The following TMEM45B variants were observed in gnomAD, a reference collection of about 807,000 sequenced individuals.
TMEM45B encodes the protein transmembrane protein 45B.
In TMEM45B, 29 loss-of-function variants were observed where a neutral mutation model predicts 27.3. The ratio of observed to expected loss-of-function variants is 1.06; its 90% CI spans 0.79 to 1.45. The LOEUF is 1.45. TMEM45B is among the 40% of genes most tolerant of loss of function. The probability of loss-of-function intolerance (pLI) is 0.00; values close to 1 mark genes in which losing one functional copy is unlikely to be tolerated. For synonymous variants in TMEM45B, 143 were observed against 134.7 expected (o/e 1.06, Z -0.43); for missense variants, 348 against 343.9 (o/e 1.01, Z -0.09).
Position 129,859,847 on chromosome 11 carries a change from A to C in TMEM45B, c.*1162A>C, listed in dbSNP as rs1396322425. 6.6e-6 allele frequency: 1 copy of C among 152,424 alleles called. No individual in the cohort carries two copies. Among genetic ancestry groups the C allele is most frequent in the Non-Finnish European group, 1.5e-5 (1 of 68,052 alleles). The allele number at this position is 152,424 out of a possible 1,614,324, so 9.4% of individuals were successfully genotyped here. A position where few individuals can be genotyped will look rare whatever the true frequency, so the allele number is the denominator to read the frequency against. On this transcript the variant is annotated 3_prime_UTR_variant, in exon 6 of 6. Transcript: ENST00000281441. ...AACAAGCAAACAGACTTCCTTCAAC[A>C]AATATTTATTAAATATCCACTTTGC... is the stretch of plus-strand genomic sequence containing the variant.
intron 1 of TMEM45B, among the ~76,000 whole-genome samples, chr11:129,827,929 C>T (rs530777257): frequency 6.6e-6 from 1 of 152,064 alleles, no homozygotes; most frequent in Non-Finnish European, 1.5e-5. Context: ...GAGATCGTGC[C>T]ACCGCCCTCC....
At chr11:129,857,884 T>C (rs1370291244) in intron 5 of TMEM45B, among the ~76,000 whole-genome samples, 2 of 152,130 alleles carry the variant, frequency 1.3e-5, no homozygotes, top group East Asian at 3.9e-4. Flanking sequence ...CAAACTGCAC[T>C]CCACCCCTCA....
intron 1 of TMEM45B, among the ~76,000 whole-genome samples, chr11:129,820,803 G>A (rs2135550242): frequency 6.6e-6 from 1 of 152,276 alleles, no homozygotes; most frequent in Non-Finnish European, 1.5e-5. Flanking sequence ...GTTCATTGTA[G>A]AAGGTTTTCA....
chr11:129,836,346 G>GACGATACTTACATGAGATTTGGGA (rs1165521920), intron 1 of TMEM45B, among the ~76,000 whole-genome samples: 2 of 152,138 alleles, frequency 1.3e-5, no homozygotes, highest in Admixed American at 1.3e-4. Flanking sequence ...ACCTGGTTTA[G>GACGATACTTACATGAGATTTGGGA]ACGATACTTA....
intron 2 of TMEM45B, chr11:129,853,035 A>G (rs1015339864): frequency 6.2e-5 from 10 of 162,388 alleles, no homozygotes; most frequent in African/African-American, 9.6e-5. Context: ...TTTTTCCTCA[A>G]TTGTCTCTCC....
chr11:129,851,924 C>T (rs1041584197), intron 1 of TMEM45B, among the ~76,000 whole-genome samples: 1 of 152,138 alleles, frequency 6.6e-6, no homozygotes, highest in African/African-American at 2.4e-5. Flanking sequence ...GTTGTGCTTT[C>T]GTTTGCCCAT....
At chr11:129,838,004 A>G (rs1203861466) in intron 1 of TMEM45B, among the ~76,000 whole-genome samples, 2 of 151,832 alleles carry the variant, frequency 1.3e-5, no homozygotes, top group Admixed American at 1.3e-4. Context: ...CTGGTCTCAA[A>G]TTCCTGATCT....
At position 129,850,067 on chromosome 11, in the gene TMEM45B, A is replaced by C. The variant is rs150835963; in HGVS notation, c.-8-2408A>C. 1.1e-4 allele frequency among the ~76,000 whole-genome samples: 17 copies of C among 152,144 alleles called. No homozygotes were observed. In the South Asian group the frequency reaches 1.5e-3, roughly 13 times the overall value. On this transcript the variant is annotated intron_variant, in intron 1 of 5. Transcript: ENST00000281441. Reference sequence around the variant, plus strand: ...ACACGTTTTTCTCTTTTTCATGGCTAGGCTGAGAATTTTTCAGATATTGAC... The same window carrying C: ...ACACGTTTTTCTCTTTTTCATGGCTCGGCTGAGAATTTTTCAGATATTGAC...
chr11:129,840,126 A>G (rs1178635518), intron 1 of TMEM45B, among the ~76,000 whole-genome samples: 3 of 152,196 alleles, frequency 2.0e-5, no homozygotes, highest in African/African-American at 7.2e-5. Context: ...CTCATCCTCC[A>G]TCTCCTCCAC....
At chr11:129,833,264 A>T (rs1481950877) in intron 1 of TMEM45B, among the ~76,000 whole-genome samples, 1 of 151,646 alleles carries the variant, frequency 6.6e-6, no homozygotes, top group African/African-American at 2.4e-5. Flanking sequence ...AAAATAAAAA[A>T]AAAAAAAGGA....
chr11:129,859,409 T>C lies in TMEM45B; in HGVS notation c.*724T>C, dbSNP rs1343729119. The C allele has an allele frequency of 3.9e-5, 6 of 152,248 alleles. No individual in the cohort carries two copies. Among genetic ancestry groups the C allele is most frequent in the African/African-American group, 2.4e-5 (1 of 41,540 alleles). The allele number at this position is 152,248 out of a possible 1,614,324, so 9.4% of individuals were successfully genotyped here. On this transcript the variant is annotated 3_prime_UTR_variant, in exon 6 of 6. Transcript: ENST00000281441. ...AAGATCTGACAGGAAAGCTGTATAA[T>C]GAGATAGAAAAACGTCAGGTATGGA...
chr11:129,826,567 A>AAAAT (rs1199881268), intron 1 of TMEM45B, among the ~76,000 whole-genome samples: 13,304 of 95,074 alleles, frequency 0.14, 2,561 homozygotes, highest in South Asian at 0.22. Flanking sequence ...AAAAAAAAAA[A>AAAAT]AGGACCCTGA....
intron 1 of TMEM45B, among the ~76,000 whole-genome samples, chr11:129,834,595 G>A (rs1947596300): frequency 6.6e-6 from 1 of 151,928 alleles, no homozygotes; most frequent in African/African-American, 2.4e-5. Context: ...TGGATCACCT[G>A]AGGTCAGGAG....
At chr11:129,851,688 C>T in intron 1 of TMEM45B, among the ~76,000 whole-genome samples, 1 of 152,072 alleles carries the variant, frequency 6.6e-6, no homozygotes, top group Non-Finnish European at 1.5e-5. Flanking sequence ...CCACCCAGGC[C>T]AGTGGGGAAA....
chr11:129,816,033 C>A, intron 1 of TMEM45B, 135 bp downstream of exon 1: 1 of 1,203,162 alleles, frequency 8.3e-7, no homozygotes, highest in Non-Finnish European at 1.0e-6. Flanking sequence ...GGGACGCGGA[C>A]AGGGAGGGGC....
intron 1 of TMEM45B, among the ~76,000 whole-genome samples, chr11:129,848,521 G>GAGGGAGAGGGAA (rs1947801067): frequency 1.3e-5 from 2 of 151,720 alleles, no homozygotes; most frequent in South Asian, 2.1e-4. Context: ...GGGAGAGGGA[G>GAGGGAGAGGGAA]AGGGAGAGGG....
intron 1 of TMEM45B, among the ~76,000 whole-genome samples, chr11:129,846,748 G>C (rs1669236836): frequency 6.6e-6 from 1 of 152,202 alleles, no homozygotes; most frequent in African/African-American, 2.4e-5. Context: ...AAGTGGGGCA[G>C]GCCTCTATTG....
rs76050748 is a variant in TMEM45B at position 129,856,040 on chromosome 11, C to G, written c.570+148C>G. 4.4e-6 allele frequency: 4 copies of G among 898,962 alleles called. No homozygotes were observed. In the South Asian group the frequency reaches 5.3e-5, roughly 12 times the overall value. The allele number at this position is 898,962 out of a possible 1,614,324, so 55.7% of individuals were successfully genotyped here. ...GGGGTTTAGATGACCCTTTTCCCCC[C>G]ATGCCCGCCCTTTGACTCCTAGTTT... On this transcript the variant is annotated intron_variant, in intron 4 of 5. Transcript: ENST00000281441.
chr11:129,819,264 C>T lies in TMEM45B; in HGVS notation c.-9+3366C>T, dbSNP rs114456783. Among the ~76,000 whole-genome samples the T allele has an allele frequency of 5.1e-3, 773 of 152,262 alleles. 3 individuals are homozygous for T. The highest frequency in any genetic ancestry group is 0.017 in the African/African-American group (722 of 41,538). ...TGAAAAAGTGTGAGATGTCATTAGA[C>T]GTTCATTCAGCTACAAGAACAGAAA... On this transcript the variant is annotated intron_variant, in intron 1 of 5. Transcript: ENST00000281441.
Sources: allele counts gnomAD v4.1 joint callset (sites outside exome capture counted in the v4.1 genomes callset), GRCh38; gene constraint gnomAD v4.1.1; transcripts MANE v1.5; gene names NCBI Gene and HGNC (gene_info 2026-07-23, HGNC 2026-07-21).